CEP78: variants seen among roughly 807,000 people sequenced by gnomAD.
CEP78 encodes the protein centrosomal protein 78, also known as centrosomal protein of 78 kDa.
Under a neutral mutation model 81.2 loss-of-function variants are expected in CEP78, and 76 were observed. The ratio of observed to expected loss-of-function variants is 0.94; its 90% CI spans 0.78 to 1.13. The LOEUF (loss-of-function observed/expected upper bound fraction) is 1.13. Ranked by LOEUF, CEP78 falls within the 50% of genes most tolerant of loss-of-function variation. The pLI is 0.00. For synonymous variants in CEP78, 293 were observed against 301.4 expected (o/e 0.97, Z 0.29); for missense variants, 918 against 846.8 (o/e 1.08, Z -1.04).
At position 78,246,778 on chromosome 9, in the gene CEP78, C is replaced by T. The variant is rs764191140; in HGVS notation, c.888C>T (p.Leu296=). 1.3e-6 allele frequency: 2 copies of T among 1,539,102 alleles called. No individual in the cohort carries two copies. Among genetic ancestry groups the T allele is most frequent in the Non-Finnish European group, 1.8e-6 (2 of 1,124,176 alleles). The change falls in exon 6 of 17, where the codon CTC becomes CTT. Residue 296 remains leucine, a synonymous_variant. Coordinates refer to ENST00000643273, the MANE Select transcript of CEP78 (RefSeq NM_001330691.3). The part of the protein sequence containing the change: ...LVVLDIRKNP[L]IDHSMMKAVI... ...TTCTGGATATAAGAAAAAATCCACTCATTGGTATGTCGCTACAATATTTTT... is the reference window on the plus strand; with the variant it reads ...TTCTGGATATAAGAAAAAATCCACTTATTGGTATGTCGCTACAATATTTTT...
intron 11 of CEP78, among the ~76,000 whole-genome samples, chr9:78,257,966 A>G (rs1013449091): frequency 6.6e-6 from 1 of 152,228 alleles, no homozygotes; most frequent in Non-Finnish European, 1.5e-5. Flanking sequence ...CTGTATATAC[A>G]CAAGAGTTAC....
At chr9:78,243,026 A>G (rs1405737957) in intron 4 of CEP78, among the ~76,000 whole-genome samples, 2 of 152,198 alleles carry the variant, frequency 1.3e-5, no homozygotes, top group East Asian at 3.8e-4. Flanking sequence ...ATTCCTGTAT[A>G]TAGTTTATTA....
At chr9:78,252,812 A>G (rs1165546932) in intron 9 of CEP78, among the ~76,000 whole-genome samples, 1 of 152,220 alleles carries the variant, frequency 6.6e-6, no homozygotes, top group Non-Finnish European at 1.5e-5. Context: ...ACAACTGGTA[A>G]TGTGAATTAT....
chr9:78,240,309 T>C lies in CEP78; in HGVS notation c.444T>C (p.Ala148=), dbSNP rs776419364. The change falls in exon 3 of 17, where the codon GCT becomes GCC. Residue 148 remains alanine (A), a synonymous_variant. Transcript: ENST00000643273. ...TILAKGLNKS[A]SLVHLSLANC... ...CATTAAAGGGATTGAATAAATCGGC[T>C]TCTTTGGTGCACCTGTCTCTTGCAA... The C allele has an allele frequency of 6.2e-7, 1 of 1,600,690 alleles. No homozygotes were observed. Among genetic ancestry groups the C allele is most frequent in the South Asian group, 1.1e-5 (1 of 88,910 alleles).
chr9:78,265,382 C>T lies in CEP78; in HGVS notation c.1636C>T (p.Leu546Phe). The part of the protein sequence containing the change: ...DLLKDAGLGQ[L>F]ATMAGIDQSD... ...TCTTCTCTCGACCAGGCTTGGGCAG[C>T]TTGCCACAATGGCTGGGATAGATCA... The change falls in exon 14 of 17, where the codon CTT (leucine) becomes TTT (phenylalanine). Residue 546 changes from leucine to phenylalanine, a missense_variant. Coordinates refer to ENST00000643273, the MANE Select transcript of CEP78 (RefSeq NM_001330691.3). The T allele has an allele frequency of 6.3e-7, 1 of 1,598,954 alleles. No individual in the cohort carries two copies.
chr9:78,269,676 G>T (rs1587614383), intron 16 of CEP78, among the ~76,000 whole-genome samples: 1 of 152,178 alleles, frequency 6.6e-6, no homozygotes, highest in African/African-American at 2.4e-5. Context: ...CACTGAATTG[G>T]TTGATGAAAA....
chr9:78,259,796 CT>C (rs1827194019), intron 11 of CEP78, among the ~76,000 whole-genome samples: 3 of 152,136 alleles, frequency 2.0e-5, no homozygotes, highest in Admixed American at 6.5e-5. Context: ...CTCAGAGAAT[CT>C]GAATTTCCAA....
intron 11 of CEP78, among the ~76,000 whole-genome samples, chr9:78,255,358 AT>A (rs1361745895): frequency 4.6e-5 from 7 of 152,296 alleles, no homozygotes; most frequent in African/African-American, 1.2e-4. Context: ...ATTTTTAAAA[AT>A]TAATACAATT....
chr9:78,262,357 A>G (rs1827314218), intron 11 of CEP78, among the ~76,000 whole-genome samples: 1 of 152,078 alleles, frequency 6.6e-6, no homozygotes, highest in African/African-American at 2.4e-5. Flanking sequence ...ACTAAAGATT[A>G]CTCCAGAAAG....
chr9:78,263,329 C>G (rs899664557), intron 12 of CEP78, among the ~76,000 whole-genome samples: 6 of 151,848 alleles, frequency 4.0e-5, no homozygotes, highest in African/African-American at 1.5e-4. Context: ...AGACTATCTA[C>G]TGAAGGGGAA....
intron 16 of CEP78, 199 bp downstream of exon 16, chr9:78,266,902 C>CAAATAAA: frequency 7.0e-7 from 1 of 1,430,646 alleles, no homozygotes. Flanking sequence ...TCATCCAAGA[C>CAAATAAA]AAATAAAAGT....
At chr9:78,256,029 T>C (rs1827005426) in intron 11 of CEP78, among the ~76,000 whole-genome samples, 2 of 152,226 alleles carry the variant, frequency 1.3e-5, no homozygotes, top group South Asian at 2.1e-4. Context: ...CATAAAACGA[T>C]ATTATCAAAA....
chr9:78,251,591 A>G (rs1465044507), intron 8 of CEP78, among the ~76,000 whole-genome samples: 3 of 152,028 alleles, frequency 2.0e-5, no homozygotes, highest in Non-Finnish European at 4.4e-5. Context: ...TTTGGGTTAC[A>G]TGTTTTATTT....
rs568927329 is a variant in CEP78, at chr9:78,273,441, A to C, written c.*2590A>C. On this transcript the variant is annotated 3_prime_UTR_variant, in exon 17 of 17. Transcript: ENST00000643273. ...AAAAAAATATATCTGCAATTTAAAA[A>C]CTTGATGTTAGGCCGGGCGCAGCGG... 1 of 152,258 alleles carries C rather than the reference A, an allele frequency of 6.6e-6. No individual in the cohort carries two copies. The highest frequency in any genetic ancestry group is 6.5e-5 in the Admixed American group (1 of 15,300). 9.4% of individuals were successfully genotyped at this position (152,258 alleles called of 1,614,324 possible).
Position 78,265,558 on chromosome 9 carries a change from C to T in CEP78, c.1797+15C>T, listed in dbSNP as rs373611573. 3.9e-6 allele frequency: 6 copies of T among 1,547,918 alleles called. No individual in the cohort carries two copies. Among genetic ancestry groups the T allele is most frequent in the South Asian group, 3.6e-5 (3 of 82,564 alleles). On this transcript the variant is annotated intron_variant, in intron 14 of 16. Transcript: ENST00000643273. ...AAAATATCCAGGTAAATGAATAGAA[C>T]AGAACTTAGTGATTCTACAAGTGAT...
chr9:78,236,522 C>G lies in CEP78; in HGVS notation c.172C>G (p.Leu58Val), dbSNP rs373992755. ...CCTCCGCGGGGTGGACTGGGCGCCT[C>G]TGCTGAGCACCCTCAAGATCAATAA... ...DRLRGVDWAPLLSTLKINKDL... is the reference protein window; with the variant it reads ...DRLRGVDWAPVLSTLKINKDL... Residue 58 changes from leucine to valine, a missense_variant, in exon 1 of 17, where the codon CTG becomes GTG. Transcript: ENST00000643273. 2 of 1,606,798 alleles carry G rather than the reference C, an allele frequency of 1.2e-6. No homozygotes were observed. Among genetic ancestry groups the G allele is most frequent in the Non-Finnish European group, 1.7e-6 (2 of 1,176,588 alleles).
Position 78,266,538 on chromosome 9 carries a change from A to T in CEP78, c.1942A>T (p.Asn648Tyr), listed in dbSNP as rs934565760. 41 of 1,613,788 alleles carry T rather than the reference A, an allele frequency of 2.5e-5. No individual in the cohort carries two copies. Among genetic ancestry groups the T allele is most frequent in the Non-Finnish European group, 3.1e-5 (37 of 1,179,862 alleles). The stretch of plus-strand genomic sequence containing the variant: ...AGAGGGCTTAGGAACTTCCAGCAAC[A>T]ACCTAGGAGTCCCAGCTACTGAGCA... ...TPEGLGTSSN[N>Y]LGVPATEQRQ... The change falls in exon 16 of 17, where the codon AAC becomes TAC. Residue 648 changes from asparagine (N) to tyrosine (Y), a missense_variant. Coordinates refer to ENST00000643273, the MANE Select transcript of CEP78 (RefSeq NM_001330691.3).
chr9:78,252,991 A>G (rs1293049897), intron 9 of CEP78, among the ~76,000 whole-genome samples: 2 of 152,210 alleles, frequency 1.3e-5, no homozygotes, highest in Admixed American at 1.3e-4. Flanking sequence ...TAGATTAGAA[A>G]TCTGAACCAT....
chr9:78,261,972 TAAA>T (rs1827296206), intron 11 of CEP78, among the ~76,000 whole-genome samples: 1 of 152,066 alleles, frequency 6.6e-6, no homozygotes, highest in Admixed American at 6.5e-5. Flanking sequence ...TTGAGGGAAA[TAAA>T]AACCACCTCT....
Sources: allele counts gnomAD v4.1 joint callset (sites outside exome capture counted in the v4.1 genomes callset), GRCh38; gene constraint gnomAD v4.1.1; transcripts MANE v1.5; gene names NCBI Gene and HGNC (gene_info 2026-07-23, HGNC 2026-07-21).